Variants in GLRB observed in about 807,000 individuals in gnomAD.
GLRB encodes the protein glycine receptor beta.
GLRB carries 33 observed loss-of-function variants against 54.2 expected under a neutral mutation model. The observed-to-expected ratio is 0.61, with a 90% CI of 0.46 to 0.81. The LOEUF (loss-of-function observed/expected upper bound fraction) is 0.81. GLRB is among the 40% of genes least tolerant of loss of function. GLRB has a pLI of 0.00. For missense variants in GLRB, 572 were observed against 584.6 expected, an observed-to-expected ratio of 0.98 and a Z score of 0.22; for synonymous variants, 209 against 208.2, an observed-to-expected ratio of 1.00 and a Z score of -0.03.
chr4:157,129,281 T>G (rs1736127701), intron 4 of GLRB, among the ~76,000 whole-genome samples: 1 of 151,756 alleles, frequency 6.6e-6, no homozygotes, highest in Non-Finnish European at 1.5e-5. Flanking sequence ...GATGGGAATT[T>G]GTTTCTTGCA....
chr4:157,105,920 T>TA (rs1383488700), intron 2 of GLRB, among the ~76,000 whole-genome samples: 34 of 152,252 alleles, frequency 2.2e-4, no homozygotes, highest in African/African-American at 7.9e-4. Context: ...ATCTCTTTTT[T>TA]AAAAAAATTA....
intron 7 of GLRB, among the ~76,000 whole-genome samples, chr4:157,142,724 A>G (rs1736662536): frequency 6.6e-6 from 1 of 152,142 alleles, no homozygotes; most frequent in Non-Finnish European, 1.5e-5. Flanking sequence ...TGTTTCATTT[A>G]TTTATTGTTC....
At chr4:157,146,110 A>G (rs1003195509) in intron 8 of GLRB, among the ~76,000 whole-genome samples, 18 of 151,296 alleles carry the variant, frequency 1.2e-4, no homozygotes, top group Non-Finnish European at 2.5e-4. Context: ...TCCACCTCCC[A>G]GGTTCAAGTG....
intron 8 of GLRB, among the ~76,000 whole-genome samples, chr4:157,145,248 C>A (rs1297525876): frequency 6.6e-6 from 1 of 152,100 alleles, no homozygotes; most frequent in Non-Finnish European, 1.5e-5. Flanking sequence ...GACTTGATAT[C>A]CAGGCTGAAA....
Position 157,170,576 on chromosome 4 carries a change from C to A in GLRB, c.1342C>A (p.Leu448Ile), listed in dbSNP as rs750707925. Residue 448 changes from leucine to isoleucine, a missense_variant, in exon 10 of 10, where the codon CTT (leucine) becomes ATT (isoleucine). Leu to Ile is a conservative substitution (Grantham distance 5, BLOSUM62 2). Coordinates refer to ENST00000264428, the MANE Select transcript of GLRB (RefSeq NM_000824.5). ...YGKPIEVNNG[L>I]GKSQAKNNKK... ...AAAACCCATTGAAGTTAACAACGGA[C>A]TTGGGAAATCTCAGGCTAAGAACAA... 1.9e-6 allele frequency: 3 copies of A among 1,613,526 alleles called. No individual in the cohort carries two copies. The East Asian group carries it at 6.7e-5, about 36-fold the overall frequency.
chr4:157,170,335 T>C, intron 9 of GLRB, 97 bp from the exon 10 acceptor site: 1 of 728,354 alleles, frequency 1.4e-6, no homozygotes. Flanking sequence ...AGCAAATGCT[T>C]CTTGTAGAAA....
chr4:157,094,188 G>A lies in GLRB; in HGVS notation c.122+16042G>A, dbSNP rs79564539. On this transcript the variant is annotated intron_variant, in intron 2 of 9. Coordinates refer to ENST00000264428, the MANE Select transcript of GLRB (RefSeq NM_000824.5). ...GCACACGGATCTAGAAACAGAACATGTCCAAAACATTAGACATCACTTTCT... is the reference window on the plus strand; with the variant it reads ...GCACACGGATCTAGAAACAGAACATATCCAAAACATTAGACATCACTTTCT... Among the ~76,000 whole-genome samples the A allele has an allele frequency of 7.8e-3, 1,193 of 152,308 alleles. 23 individuals are homozygous for A. In the East Asian group the frequency reaches 0.1, roughly 13 times the overall value.
chr4:157,076,411 G>C (rs1417597730), intron 1 of GLRB, 114 bp downstream of exon 1: 1 of 151,678 alleles, frequency 6.6e-6, no homozygotes, highest in Non-Finnish European at 1.5e-5. Context: ...CCGGGGCGGC[G>C]GAGCGCGAGG....
chr4:157,083,482 G>A (rs1579181179), intron 2 of GLRB, among the ~76,000 whole-genome samples: 1 of 152,062 alleles, frequency 6.6e-6, no homozygotes, highest in East Asian at 1.9e-4. Context: ...AGGCACGTGG[G>A]ATAATTACTT....
chr4:157,168,010 C>T lies in GLRB; in HGVS notation c.1198-2422C>T, dbSNP rs545620340. Reference sequence around the variant, plus strand: ...AAGCCAGTCATGAGGGATCTGGCCCCGTGACCCAAACACCTCCCACTAGGC... The same window carrying T: ...AAGCCAGTCATGAGGGATCTGGCCCTGTGACCCAAACACCTCCCACTAGGC... On this transcript the variant is annotated intron_variant, in intron 9 of 9. Transcript: ENST00000264428. 7.2e-5 allele frequency among the ~76,000 whole-genome samples: 11 copies of T among 152,224 alleles called. No individual in the cohort carries two copies. The East Asian group carries it at 1.9e-3, about 27-fold the overall frequency.
chr4:157,131,029 G>A (rs979953633), intron 4 of GLRB, among the ~76,000 whole-genome samples: 5 of 146,852 alleles, frequency 3.4e-5, no homozygotes, highest in Middle Eastern at 3.6e-3. Flanking sequence ...GCATAGTCTT[G>A]AAGAATTTTT....
chr4:157,136,517 C>T lies in GLRB; in HGVS notation c.346C>T (p.Leu116=). The change falls in exon 5 of 10, where the codon CTG becomes TTG. Residue 116 remains leucine, a synonymous_variant. Transcript: ENST00000264428. ...GAGACAAAAATGGAATGACCCCAGG[C>T]TGAAGCTCCCCAGTGATTTTAGGGG... The part of the protein sequence containing the change: ...FLRQKWNDPR[L]KLPSDFRGSD... 6.2e-7 allele frequency: 1 copy of T among 1,613,046 alleles called. No individual in the cohort carries two copies. The highest frequency in any genetic ancestry group is 8.5e-7 in the Non-Finnish European group (1 of 1,179,122).
At chr4:157,091,766 TCTC>T (rs1379728013) in intron 2 of GLRB, among the ~76,000 whole-genome samples, 1 of 152,174 alleles carries the variant, frequency 6.6e-6, no homozygotes, top group Non-Finnish European at 1.5e-5. Flanking sequence ...TCCAGTATCT[TCTC>T]CTGCCATGCT....
Position 157,146,834 on chromosome 4 carries a change from C to CA in GLRB, c.904+2886dup, listed in dbSNP as rs61108448. Among the ~76,000 whole-genome samples, 799 of 138,770 alleles carry CA rather than the reference C, an allele frequency of 5.8e-3. 7 individuals carry two copies. Among genetic ancestry groups the CA allele is most frequent in the African/African-American group, 0.018 (680 of 37,724 alleles). The allele number at this position is 138,770 out of a possible 152,430, so 91.0% of individuals were successfully genotyped here. A position where few individuals can be genotyped will look rare whatever the true frequency, so the allele number is the denominator to read the frequency against. On this transcript the variant is annotated intron_variant, in intron 8 of 9. Coordinates refer to ENST00000264428, the MANE Select transcript of GLRB (RefSeq NM_000824.5). ...AGACTCCATCCCCCACCTCCCCCCG[C>CA]AAAAAAAAAAATTAGATGATGGGTG... is the stretch of plus-strand genomic sequence containing the variant.
chr4:157,144,980 G>A (rs1218370896), intron 8 of GLRB, among the ~76,000 whole-genome samples: 1 of 152,052 alleles, frequency 6.6e-6, no homozygotes. Flanking sequence ...TAAAAACTAT[G>A]TATTATTACA....
intron 2 of GLRB, among the ~76,000 whole-genome samples, chr4:157,103,812 G>A (rs1038942990): frequency 2.0e-5 from 3 of 151,836 alleles, no homozygotes; most frequent in African/African-American, 7.3e-5. Context: ...TATTACAAAC[G>A]GAATTATTTT....
At chr4:157,102,078 G>A (rs774601815) in intron 2 of GLRB, among the ~76,000 whole-genome samples, 2 of 152,054 alleles carry the variant, frequency 1.3e-5, no homozygotes, top group African/African-American at 2.4e-5. Flanking sequence ...ATTTTTAATG[G>A]ATTTTTTTCT....
rs747493770 is a variant in GLRB at position 157,152,758 on chromosome 4, C to T, written c.945C>T (p.Thr315=). 3.1e-6 allele frequency: 5 copies of T among 1,613,628 alleles called. No homozygotes were observed. The highest frequency in any genetic ancestry group is 1.1e-5 in the South Asian group (1 of 91,062). Residue 315 remains threonine, a synonymous_variant, in exon 9 of 10, where the codon ACC becomes ACT. Transcript: ENST00000264428. Reference sequence around the variant, plus strand: ...TCAGCTTGGCCTCTGAGTGCACAACCCTTGCCGCTGAGCTTCCCAAAGTTT... The same window carrying T: ...TCAGCTTGGCCTCTGAGTGCACAACTCTTGCCGCTGAGCTTCCCAAAGTTT... The part of the protein sequence containing the change: ...SVLSLASECT[T]LAAELPKVSY...
intron 7 of GLRB, among the ~76,000 whole-genome samples, chr4:157,143,081 C>T (rs1381859602): frequency 1.3e-5 from 2 of 152,038 alleles, no homozygotes; most frequent in Non-Finnish European, 2.9e-5. Context: ...CATGGCCACT[C>T]TAGAATTAGG....
Sources: gnomAD v4.1 joint callset for allele counts (sites outside exome capture counted in the v4.1 genomes callset) on GRCh38, gnomAD v4.1.1 for gene constraint, MANE v1.5 for transcripts, NCBI Gene and HGNC (gene_info 2026-07-23, HGNC 2026-07-21) for gene names.